UBTD1: variants seen among roughly 807,000 people sequenced by gnomAD.
The protein encoded by UBTD1 is ubiquitin domain containing 1, also known as ubiquitin domain-containing protein 1.
Under a neutral mutation model 21.7 loss-of-function variants are expected in UBTD1, and 19 were observed. That is an observed-to-expected ratio of 0.87 (90% CI 0.61 to 1.28). The LOEUF is 1.28. Among genes scored for constraint, UBTD1 ranks in the 50% most tolerant of loss-of-function variants. The probability of loss-of-function intolerance (pLI) is 0.00; values close to 1 mark genes in which losing one functional copy is unlikely to be tolerated. For missense variants in UBTD1, 282 were observed against 315.1 expected, an observed-to-expected ratio of 0.89 and a Z score of 0.80; for synonymous variants, 116 against 135.1, an observed-to-expected ratio of 0.86 and a Z score of 0.98.
At chr10:97,513,423 C>T (rs1368120797) in intron 1 of UBTD1, among the ~76,000 whole-genome samples, 2 of 152,036 alleles carry the variant, frequency 1.3e-5, no homozygotes, top group Non-Finnish European at 2.9e-5. Flanking sequence ...GAGAGAGGTC[C>T]CTGGGAGCTC....
chr10:97,499,419 T>G, intron 1 of UBTD1, 146 bp downstream of exon 1: 1 of 1,062,542 alleles, frequency 9.4e-7, no homozygotes, highest in South Asian at 2.0e-5. Flanking sequence ...AGGGGGCCGC[T>G]CCCCAGCGCC....
chr10:97,539,787 T>C (rs956866268), intron 1 of UBTD1, among the ~76,000 whole-genome samples: 3 of 151,984 alleles, frequency 2.0e-5, no homozygotes, highest in East Asian at 1.9e-4. Flanking sequence ...GGATATGATG[T>C]GTGGGAGGAC....
chr10:97,524,250 A>T (rs2040478057), intron 1 of UBTD1, among the ~76,000 whole-genome samples: 1 of 151,318 alleles, frequency 6.6e-6, no homozygotes, highest in Non-Finnish European at 1.5e-5. Flanking sequence ...ATGCGCCACC[A>T]TCCCTGGCTA....
At chr10:97,551,714 T>C (rs528274223) in intron 1 of UBTD1, among the ~76,000 whole-genome samples, 3 of 152,272 alleles carry the variant, frequency 2.0e-5, no homozygotes, top group African/African-American at 4.8e-5. Context: ...CCCCAAACTC[T>C]TCCCACTTTT....
intron 1 of UBTD1, among the ~76,000 whole-genome samples, chr10:97,523,345 C>T (rs1341888064): frequency 2.6e-5 from 4 of 152,212 alleles, no homozygotes; most frequent in African/African-American, 9.7e-5. Flanking sequence ...GGAGTGTCTT[C>T]CATGCTCCAG....
intron 1 of UBTD1, among the ~76,000 whole-genome samples, chr10:97,500,220 T>G (rs7893335): frequency 0.2 from 30,941 of 152,082 alleles, 3,546 homozygotes; most frequent in East Asian, 0.5. Context: ...CAGCCTCCTC[T>G]CCCACCCCAT....
chr10:97,536,952 C>A (rs772321955), intron 1 of UBTD1, among the ~76,000 whole-genome samples: 3 of 151,920 alleles, frequency 2.0e-5, no homozygotes, highest in Non-Finnish European at 4.4e-5. Context: ...CTTGGAGGGG[C>A]TGACCTTCGG....
chr10:97,560,890 C>A (rs2040689282), intron 1 of UBTD1, among the ~76,000 whole-genome samples: 1 of 151,510 alleles, frequency 6.6e-6, no homozygotes, highest in Non-Finnish European at 1.5e-5. Context: ...TTACACCAAA[C>A]CAAAATCAGA....
chr10:97,559,599 GTTA>G (rs1343475850), intron 1 of UBTD1, among the ~76,000 whole-genome samples: 1 of 152,046 alleles, frequency 6.6e-6, no homozygotes, highest in African/African-American at 2.4e-5. Flanking sequence ...ATATTAGTGT[GTTA>G]TTAATATTAA....
At chr10:97,501,312 C>T (rs775175367) in intron 1 of UBTD1, among the ~76,000 whole-genome samples, 5 of 152,332 alleles carry the variant, frequency 3.3e-5, no homozygotes, top group East Asian at 3.9e-4. Flanking sequence ...CTTGGCCAGG[C>T]GTGGTGGCTC....
chr10:97,540,400 C>G (rs2040582215), intron 1 of UBTD1, among the ~76,000 whole-genome samples: 1 of 152,220 alleles, frequency 6.6e-6, no homozygotes, highest in Non-Finnish European at 1.5e-5. Flanking sequence ...GACGCAGTAT[C>G]TTGTGGGGGT....
At chr10:97,549,353 C>T (rs2040625707) in intron 1 of UBTD1, among the ~76,000 whole-genome samples, 1 of 152,256 alleles carries the variant, frequency 6.6e-6, no homozygotes, top group Admixed American at 6.5e-5. Context: ...TTCTTGCAGA[C>T]AGCTCTGTCT....
intron 1 of UBTD1, among the ~76,000 whole-genome samples, chr10:97,550,478 C>A (rs1228494572): frequency 1.3e-5 from 2 of 152,142 alleles, no homozygotes; most frequent in Non-Finnish European, 2.9e-5. Flanking sequence ...CGCTGCAGAC[C>A]TCTCCCCTGC....
At chr10:97,499,940 C>T (rs2135646691) in intron 1 of UBTD1, among the ~76,000 whole-genome samples, 1 of 152,278 alleles carries the variant, frequency 6.6e-6, no homozygotes, top group South Asian at 2.1e-4. Context: ...CCGCGCAACG[C>T]TTTCTCACTT....
In UBTD1 at chr10:97,546,589, GAAAAAA is replaced by G. The variant is rs397741674; in HGVS notation, c.71-21313_71-21308del. Among the ~76,000 whole-genome samples, 13 of 118,126 alleles carry G rather than the reference GAAAAAA, an allele frequency of 1.1e-4. No homozygotes were observed. The East Asian group carries it at 3.2e-3, about 29-fold the overall frequency. 77.5% of individuals were successfully genotyped at this position (118,126 alleles called of 152,430 possible). On this transcript the variant is annotated intron_variant, in intron 1 of 2. Coordinates refer to ENST00000370664, the MANE Select transcript of UBTD1 (RefSeq NM_024954.5). ...GGTGACCGAGTGTGACCCTGTCTCA[GAAAAAA>G]AAAAAAAAAAAGCTGACAGAAGACC...
At position 97,558,210 on chromosome 10, in the gene UBTD1, C is replaced by A. The variant is rs563153780; in HGVS notation, c.71-9704C>A. On this transcript the variant is annotated intron_variant, in intron 1 of 2. Coordinates refer to ENST00000370664, the MANE Select transcript of UBTD1 (RefSeq NM_024954.5). Reference sequence around the variant, plus strand: ...CTAGAATAAACTGAATCCAATACTTCTACACAGTTATGTTTAACTGGGCTC... The same window carrying A: ...CTAGAATAAACTGAATCCAATACTTATACACAGTTATGTTTAACTGGGCTC... 1.7e-4 allele frequency among the ~76,000 whole-genome samples: 26 copies of A among 152,208 alleles called. No individual in the cohort carries two copies. The South Asian group carries it at 5.2e-3, about 30-fold the overall frequency.
chr10:97,546,982 C>T (rs1272805307), intron 1 of UBTD1, among the ~76,000 whole-genome samples: 3 of 152,154 alleles, frequency 2.0e-5, no homozygotes, highest in African/African-American at 7.2e-5. Flanking sequence ...AGTCACATCA[C>T]CTTTCAGCCT....
rs368526753 is a variant in UBTD1, at chr10:97,570,392, G to T, written c.553G>T (p.Glu185Ter). ...GCAGCTGCACGCCCAGGAGGGCATC[G>T]AGCCATCGTGGCAGCGGTGGTTCTT... is the stretch of plus-strand genomic sequence containing the variant. ...KRQLHAQEGI[E>*]PSWQRWFFSG... The change falls in exon 3 of 3, where the codon GAG becomes TAG. Residue 185 changes from glutamate (E) to a stop codon, truncating the protein, a stop_gained. Transcript: ENST00000370664. LOFTEE classifies it high-confidence loss of function. The surrounding 1 kb of genome is among the most constrained non-coding windows in gnomAD (Gnocchi z 6.6). The T allele has an allele frequency of 6.2e-7, 1 of 1,613,294 alleles. No individual in the cohort carries two copies. Among genetic ancestry groups the T allele is most frequent in the Non-Finnish European group, 8.5e-7 (1 of 1,180,024 alleles).
intron 1 of UBTD1, among the ~76,000 whole-genome samples, chr10:97,558,107 G>C (rs2040673637): frequency 6.6e-6 from 1 of 151,918 alleles, no homozygotes; most frequent in African/African-American, 2.4e-5. Context: ...CACTTTGCAG[G>C]GGTTGGCGAA....
Sources: gnomAD v4.1 joint callset for allele counts (sites outside exome capture counted in the v4.1 genomes callset) on GRCh38, gnomAD v4.1.1 for gene constraint, Gnocchi (gnomAD v3.1) non-coding constraint, MANE v1.5 for transcripts, NCBI Gene and HGNC (gene_info 2026-07-23, HGNC 2026-07-21) for gene names.